The following LRRC4C variants were observed in gnomAD, a reference collection of about 807,000 sequenced individuals.
The protein encoded by LRRC4C is leucine rich repeat containing 4C.
A neutral mutation model predicts 33.6 loss-of-function variants in LRRC4C; 5 were observed. The ratio of observed to expected loss-of-function variants is 0.15; its 90% CI spans 0.08 to 0.31. The LOEUF (loss-of-function observed/expected upper bound fraction) is 0.31. Ranked by LOEUF, LRRC4C falls within the 10% of genes least tolerant of loss-of-function variation. LRRC4C has a pLI of 1.00. For missense variants in LRRC4C, 560 were observed against 796.7 expected (o/e 0.70, Z 3.58); for synonymous variants, 329 against 302.0 (o/e 1.09, Z -0.93).
chr11:40,237,726 G>C (rs971111459), intron 5 of LRRC4C, among the ~76,000 whole-genome samples: 5 of 152,134 alleles, frequency 3.3e-5, no homozygotes, highest in African/African-American at 4.8e-5. Context: ...TGAAAACCCT[G>C]ATAAGTATGA....
chr11:40,792,751 T>G (rs1591734645), intron 2 of LRRC4C, among the ~76,000 whole-genome samples: 1 of 152,090 alleles, frequency 6.6e-6, no homozygotes, highest in South Asian at 2.1e-4. Context: ...TGTCCAACAA[T>G]GATAGACTGG....
chr11:40,834,884 GCAGACAGACAGA>G (rs201366160), intron 2 of LRRC4C, among the ~76,000 whole-genome samples: 1 of 122,170 alleles, frequency 8.2e-6, no homozygotes, highest in African/African-American at 2.9e-5. Flanking sequence ...GAAAAGACAG[GCAGACAGACAGA>G]CAGACAGACA....
chr11:40,143,125 C>G (rs1857486893), intron 5 of LRRC4C, among the ~76,000 whole-genome samples: 1 of 152,116 alleles, frequency 6.6e-6, no homozygotes, highest in Non-Finnish European at 1.5e-5. Context: ...TCCTATCACC[C>G]ATGCATTGGA....
intron 1 of LRRC4C, among the ~76,000 whole-genome samples, chr11:41,328,149 T>C (rs1156823201): frequency 6.6e-6 from 1 of 152,180 alleles, no homozygotes; most frequent in Admixed American, 6.5e-5. Flanking sequence ...CTCTGCCACA[T>C]TGATATTATC....
intron 3 of LRRC4C, among the ~76,000 whole-genome samples, chr11:40,453,158 G>A (rs556573007): frequency 6.8e-6 from 1 of 147,854 alleles, no homozygotes; most frequent in South Asian, 2.2e-4. Flanking sequence ...TTGTGCACAT[G>A]TACCCTAAAA....
At chr11:40,281,677 C>T (rs1256171963) in intron 4 of LRRC4C, among the ~76,000 whole-genome samples, 1 of 152,140 alleles carries the variant, frequency 6.6e-6, no homozygotes, top group Non-Finnish European at 1.5e-5. Context: ...CTTAGTACTA[C>T]AGTTCTTTAG....
At chr11:40,465,995 G>C (rs993127616) in intron 3 of LRRC4C, among the ~76,000 whole-genome samples, 1 of 151,884 alleles carries the variant, frequency 6.6e-6, no homozygotes, top group Non-Finnish European at 1.5e-5. Flanking sequence ...CTATTCACAA[G>C]AGCAAAAATA....
At chr11:40,691,132 T>C (rs1945201695) in intron 2 of LRRC4C, among the ~76,000 whole-genome samples, 2 of 151,964 alleles carry the variant, frequency 1.3e-5, no homozygotes, top group Non-Finnish European at 1.5e-5. Context: ...TAACAAGTAG[T>C]CCATTTTATA....
intron 1 of LRRC4C, among the ~76,000 whole-genome samples, chr11:41,372,348 C>G (rs1414388554): frequency 6.6e-6 from 1 of 152,142 alleles, no homozygotes; most frequent in Non-Finnish European, 1.5e-5. Flanking sequence ...CTCAATACAG[C>G]CTTCTGAAAT....
At chr11:40,272,094 T>C (rs1324171615) in intron 4 of LRRC4C, among the ~76,000 whole-genome samples, 2 of 152,162 alleles carry the variant, frequency 1.3e-5, no homozygotes, top group African/African-American at 4.8e-5. Flanking sequence ...ACGGATGTAT[T>C]CAGAAGTTCC....
rs142624031 is a variant in LRRC4C, at chr11:40,959,421, CA to C, written c.-495-25699del. 9.4e-3 allele frequency among the ~76,000 whole-genome samples: 1,409 copies of C among 149,872 alleles called. 19 individuals are homozygous for C. Among genetic ancestry groups the C allele is most frequent in the African/African-American group, 0.033 (1,349 of 40,872 alleles). On this transcript the variant is annotated intron_variant, in intron 1 of 6. Transcript: ENST00000528697. ...AAACCAAGACACTTGGCCAACCTAACAAAAAAAAATCCATTTTTATTATAAT... is the reference window on the plus strand; with the variant it reads ...AAACCAAGACACTTGGCCAACCTAACAAAAAAAATCCATTTTTATTATAAT...
intron 1 of LRRC4C, among the ~76,000 whole-genome samples, chr11:41,267,220 C>A (rs1462289923): frequency 6.6e-6 from 1 of 152,100 alleles, no homozygotes; most frequent in Non-Finnish European, 1.5e-5. Context: ...TCAAATTAAT[C>A]TCTGCTATCC....
intron 1 of LRRC4C, among the ~76,000 whole-genome samples, chr11:41,030,268 A>C (rs1856638754): frequency 6.6e-6 from 1 of 151,910 alleles, no homozygotes; most frequent in Non-Finnish European, 1.5e-5. Flanking sequence ...TTTTGCATGC[A>C]GAGCTATGCA....
chr11:40,469,193 C>G (rs1266726130), intron 3 of LRRC4C, among the ~76,000 whole-genome samples: 2 of 152,136 alleles, frequency 1.3e-5, no homozygotes, highest in Non-Finnish European at 2.9e-5. Flanking sequence ...GGTCATCTCA[C>G]TAGGACTGGT....
chr11:40,241,481 A>G (rs1865921999), intron 5 of LRRC4C, 38 bp downstream of exon 5: 1 of 152,188 alleles, frequency 6.6e-6, no homozygotes, highest in African/African-American at 2.4e-5. Flanking sequence ...TCCATTTTTT[A>G]TATTTGGAAG....
chr11:40,306,074 C>T (rs1447847791), intron 4 of LRRC4C, among the ~76,000 whole-genome samples: 1 of 152,156 alleles, frequency 6.6e-6, no homozygotes, highest in African/African-American at 2.4e-5. Context: ...CTTGGTGTCT[C>T]CACCTATGTC....
At chr11:40,321,109 A>T (rs561908558) in intron 3 of LRRC4C, among the ~76,000 whole-genome samples, 2 of 152,328 alleles carry the variant, frequency 1.3e-5, no homozygotes, top group African/African-American at 4.8e-5. Context: ...TGTTAAAGAG[A>T]AGTTGAAATT....
At chr11:41,026,311 T>C (rs1444315169) in intron 1 of LRRC4C, among the ~76,000 whole-genome samples, 2 of 151,056 alleles carry the variant, frequency 1.3e-5, no homozygotes, top group Non-Finnish European at 1.5e-5. Flanking sequence ...TTTTGAGGAG[T>C]TTAAGAGCTC....
intron 3 of LRRC4C, among the ~76,000 whole-genome samples, chr11:40,604,194 T>C (rs937291952): frequency 2.6e-5 from 4 of 152,064 alleles, no homozygotes; most frequent in Non-Finnish European, 4.4e-5. Context: ...TTTGAAAACA[T>C]AAATATTGCC....
Sources: gnomAD v4.1 joint callset for allele counts (sites outside exome capture counted in the v4.1 genomes callset) on GRCh38, gnomAD v4.1.1 for gene constraint, MANE v1.5 for transcripts, NCBI Gene and HGNC (gene_info 2026-07-23, HGNC 2026-07-21) for gene names.